Variants in TFB1M observed in about 807,000 individuals in gnomAD.
TFB1M encodes dimethyladenosine transferase 1, mitochondrial.
Under a neutral mutation model 31.1 loss-of-function variants are expected in TFB1M, and 27 were observed. That is an observed-to-expected ratio of 0.87 (90% CI 0.64 to 1.20). The LOEUF (loss-of-function observed/expected upper bound fraction) is 1.20. Among genes scored for constraint, TFB1M ranks in the 50% most tolerant of loss-of-function variants. The pLI is 0.00. For missense variants in TFB1M, 394 were observed against 418.7 expected (o/e 0.94, Z 0.51); for synonymous variants, 166 against 151.8 (o/e 1.09, Z -0.69).
intron 5 of TFB1M, among the ~76,000 whole-genome samples, chr6:155,267,731 C>A (rs1348906138): frequency 2.0e-5 from 3 of 152,120 alleles, no homozygotes; most frequent in Non-Finnish European, 4.4e-5. Context: ...CCTCCTGGCC[C>A]CTTGACTCTG....
intron 5 of TFB1M, among the ~76,000 whole-genome samples, chr6:155,263,799 A>T (rs986749263): frequency 2.6e-5 from 4 of 152,200 alleles, no homozygotes; most frequent in Non-Finnish European, 5.9e-5. Flanking sequence ...AATGCTGGCC[A>T]CTGTCTACAA....
chr6:155,234,003 T>TTGG, the TFB1M span, among the ~76,000 whole-genome samples: 1 of 147,258 alleles, frequency 6.8e-6, no homozygotes. Flanking sequence ...AAATTTTTTT[T>TTGG]GGGGGGGGGT....
rs1222302252 is a variant in TFB1M at position 155,257,642 on chromosome 6, TAAAAG to T, written c.*189_*193del. 6.5e-6 allele frequency: 4 copies of T among 617,336 alleles called. No individual in the cohort carries two copies. Among genetic ancestry groups the T allele is most frequent in the East Asian group, 5.7e-5 (2 of 34,904 alleles). The allele number at this position is 617,336 out of a possible 1,614,324, so 38.2% of individuals were successfully genotyped here. A position where few individuals can be genotyped will look rare whatever the true frequency, so the allele number is the denominator to read the frequency against. On this transcript the variant is annotated 3_prime_UTR_variant, in exon 7 of 7. Coordinates refer to ENST00000367166, the MANE Select transcript of TFB1M (RefSeq NM_016020.4). ...TCATAACTATCTATACAGTATATAT[TAAAAG>T]AAAGCTTGTACTGTATCTTATTTGA...
chr6:155,276,027 A>C (rs1785186662), intron 5 of TFB1M: 3 of 1,614,138 alleles, frequency 1.9e-6, no homozygotes, highest in Non-Finnish European at 2.5e-6. Context: ...GTAGGAATGA[A>C]ATGTACTCGC....
intron 5 of TFB1M, 187 bp from the exon 6 acceptor site, chr6:155,260,587 T>A (rs975759996): frequency 6.5e-5 from 46 of 709,406 alleles, no homozygotes; most frequent in Non-Finnish European, 9.3e-5. Flanking sequence ...GCAAATGACA[T>A]GGAGAAATCA....
intron 4 of TFB1M, among the ~76,000 whole-genome samples, chr6:155,292,280 G>A (rs909229317): frequency 1.3e-5 from 2 of 152,200 alleles, no homozygotes; most frequent in African/African-American, 4.8e-5. Context: ...CACGTGTGCA[G>A]GAGCAGCGGG....
rs201551259 is a variant in TFB1M at position 155,314,348 on chromosome 6, C to T, written c.81G>A (p.Leu27=). The T allele has an allele frequency of 1.4e-5, 22 of 1,614,262 alleles. No individual in the cohort carries two copies. Among genetic ancestry groups the T allele is most frequent in the Non-Finnish European group, 1.9e-5 (22 of 1,180,042 alleles). ...TIREIIKLLR[L]QAAKQLSQNF... ...TCTGTGATAGCTGCTTCGCTGCTTGCAGTCTTAACAACTTAATGATTTCTC... is the reference window on the plus strand; with the variant it reads ...TCTGTGATAGCTGCTTCGCTGCTTGTAGTCTTAACAACTTAATGATTTCTC... Residue 27 remains leucine (L), a synonymous_variant, in exon 1 of 7, where the codon CTG becomes CTA. Transcript: ENST00000367166.
chr6:155,284,439 C>A (rs893348233), intron 5 of TFB1M, among the ~76,000 whole-genome samples: 1 of 152,254 alleles, frequency 6.6e-6, no homozygotes, highest in Admixed American at 6.5e-5. Flanking sequence ...GACTCTGTAT[C>A]GGATTAGGCT....
intron 5 of TFB1M, among the ~76,000 whole-genome samples, chr6:155,262,275 G>C (rs1784427466): frequency 6.6e-6 from 1 of 152,168 alleles, no homozygotes; most frequent in Non-Finnish European, 1.5e-5. Context: ...AGCAGCCCAA[G>C]ACACACTCCA....
the TFB1M span, chr6:155,245,614 C>T: frequency 3.1e-6 from 5 of 1,608,312 alleles, no homozygotes; most frequent in Non-Finnish European, 4.3e-6. Flanking sequence ...TTCCCCTCTG[C>T]CCTTCTAGAA....
At chr6:155,241,105 G>A in the TFB1M span, among the ~76,000 whole-genome samples, 36 of 152,304 alleles carry the variant, frequency 2.4e-4, no homozygotes, top group African/African-American at 4.1e-4. Context: ...CAGTCTTGGC[G>A]GTGGCCCGGG....
At chr6:155,243,917 GC>G in the TFB1M span, 1 of 784,856 alleles carries the variant, frequency 1.3e-6, no homozygotes, top group Non-Finnish European at 2.2e-6. Context: ...CCTGATGGGA[GC>G]CTTGGGAGCT....
the TFB1M span, among the ~76,000 whole-genome samples, chr6:155,234,306 TATTTACTTTTAGAG>T: frequency 1.3e-5 from 2 of 152,216 alleles, no homozygotes; most frequent in Non-Finnish European, 2.9e-5. Context: ...TGCTTTTATT[TATTTACTTTTAGAG>T]ATAGAGCCTC....
chr6:155,286,648 T>C (rs1046329083), intron 4 of TFB1M, among the ~76,000 whole-genome samples: 1 of 129,538 alleles, frequency 7.7e-6, no homozygotes, highest in African/African-American at 2.8e-5. Flanking sequence ...TGTGTGTGTG[T>C]GTATATATAT....
the TFB1M span, among the ~76,000 whole-genome samples, chr6:155,235,951 T>A: frequency 6.6e-6 from 1 of 152,202 alleles, no homozygotes; most frequent in Non-Finnish European, 1.5e-5. Flanking sequence ...TAACTTATGA[T>A]GTATTTTATC....
At chr6:155,267,297 G>A (rs1483694866) in intron 5 of TFB1M, among the ~76,000 whole-genome samples, 1 of 152,232 alleles carries the variant, frequency 6.6e-6, no homozygotes, top group Non-Finnish European at 1.5e-5. Context: ...GCTTCTTGAT[G>A]AAAGGGTCAG....
intron 2 of TFB1M, among the ~76,000 whole-genome samples, chr6:155,308,513 C>A (rs1777883210): frequency 6.6e-6 from 1 of 152,176 alleles, no homozygotes; most frequent in African/African-American, 2.4e-5. Context: ...GCACAGAGGA[C>A]AAAATTACCT....
At chr6:155,276,378 AAATAACTGAGTAATGCAT>A (rs779543024) in intron 5 of TFB1M, 48 of 1,610,634 alleles carry the variant, frequency 3.0e-5, no homozygotes, top group Non-Finnish European at 8.5e-7. Context: ...GATTATGTGT[AAATAACTGAGTAATGCAT>A]ATGAAATGGA....
intron 5 of TFB1M, among the ~76,000 whole-genome samples, chr6:155,271,253 T>C (rs1302585364): frequency 1.3e-5 from 2 of 152,152 alleles, no homozygotes; most frequent in East Asian, 3.8e-4. Context: ...GAATAAAACT[T>C]ACTGAGGAAG....
Sources: gnomAD v4.1 joint callset for allele counts (sites outside exome capture counted in the v4.1 genomes callset) on GRCh38, gnomAD v4.1.1 for gene constraint, MANE v1.5 for transcripts, NCBI Gene and HGNC (gene_info 2026-07-23, HGNC 2026-07-21) for gene names.